Variants in CDIN1 observed in about 807,000 individuals in gnomAD.
CDIN1 encodes the protein CDAN1-interacting nuclease 1.
Under a neutral mutation model 45.3 loss-of-function variants are expected in CDIN1, and 33 were observed. The observed-to-expected ratio is 0.73, with a 90% CI of 0.55 to 0.97. CDIN1 has a LOEUF of 0.97. Among genes scored for constraint, CDIN1 ranks in the 50% least tolerant of loss-of-function variants. CDIN1 has a pLI of 0.00. For synonymous variants in CDIN1, 118 were observed against 124.4 expected, an observed-to-expected ratio of 0.95 and a Z score of 0.34; for missense variants, 303 against 339.4, an observed-to-expected ratio of 0.89 and a Z score of 0.84.
At chr15:36,599,892 T>TA (rs955148854) in intron 1 of CDIN1, among the ~76,000 whole-genome samples, 4 of 152,242 alleles carry the variant, frequency 2.6e-5, no homozygotes, top group Non-Finnish European at 5.9e-5. Context: ...CTGTCACTGT[T>TA]ACATTTTCAC....
At chr15:36,740,676 G>A (rs1166568727) in intron 10 of CDIN1, among the ~76,000 whole-genome samples, 1 of 152,110 alleles carries the variant, frequency 6.6e-6, no homozygotes, top group Non-Finnish European at 1.5e-5. Flanking sequence ...ATCACCCGAG[G>A]TCGGGAGTTC....
At chr15:36,664,347 G>T (rs186898335) in intron 5 of CDIN1, among the ~76,000 whole-genome samples, 1 of 152,138 alleles carries the variant, frequency 6.6e-6, no homozygotes, top group Admixed American at 6.5e-5. Context: ...GAAGCACTCC[G>T]CATTCTACAT....
rs143535776 is a variant in CDIN1 at position 36,767,722 on chromosome 15, T to G, written c.717-40602T>G. ...CCTGAAATACCTTCTCCATGTGCCC[T>G]TTGTTATTAGAAATTAGCCTTTTTT... On this transcript the variant is annotated intron_variant, in intron 10 of 10. Transcript: ENST00000566621. Among the ~76,000 whole-genome samples, 219 of 152,308 alleles carry G rather than the reference T, an allele frequency of 1.4e-3. 1 individual carries two copies. Among genetic ancestry groups the G allele is most frequent in the African/African-American group, 4.7e-3 (195 of 41,566 alleles).
chr15:36,736,343 G>T (rs2044018528), intron 10 of CDIN1, among the ~76,000 whole-genome samples: 1 of 152,080 alleles, frequency 6.6e-6, no homozygotes, highest in Admixed American at 6.5e-5. Flanking sequence ...ACACTCTACA[G>T]CTACTGACTT....
At chr15:36,596,548 AT>A (rs2037841335) in intron 1 of CDIN1, among the ~76,000 whole-genome samples, 1 of 152,214 alleles carries the variant, frequency 6.6e-6, no homozygotes, top group Non-Finnish European at 1.5e-5. Context: ...ACAGTTCAAA[AT>A]GAATGTAAAA....
In CDIN1 at chr15:36,658,160, A is replaced by T. The variant is rs13329086; in HGVS notation, c.346+255A>T. On this transcript the variant is annotated intron_variant, in intron 5 of 10. Coordinates refer to ENST00000566621, the MANE Select transcript of CDIN1 (RefSeq NM_001321759.2). ...ATAGACAATGTGTATCAAACTAAAA[A>T]ATTGATTCATCTTCGTATATAGAAT... 0.096 allele frequency: 32,051 copies of T among 332,236 alleles called. 1,799 individuals are homozygous for T. The highest frequency in any genetic ancestry group is 0.11 in the Non-Finnish European group (20,868 of 182,442). The allele number at this position is 332,236 out of a possible 1,614,324, so 20.6% of individuals were successfully genotyped here.
At chr15:36,597,467 G>A (rs184854874) in intron 1 of CDIN1, among the ~76,000 whole-genome samples, 43 of 152,218 alleles carry the variant, frequency 2.8e-4, no homozygotes, top group African/African-American at 1.0e-3. Flanking sequence ...GTGGTTTTTT[G>A]CTCAGACATA....
chr15:36,741,566 G>GGT (rs1479227789), intron 10 of CDIN1, among the ~76,000 whole-genome samples: 30 of 151,802 alleles, frequency 2.0e-4, no homozygotes, highest in Non-Finnish European at 3.8e-4. Context: ...ACACAGACTG[G>GGT]GTGGCTTACA....
intron 1 of CDIN1, among the ~76,000 whole-genome samples, chr15:36,624,316 A>G (rs1432706045): frequency 6.6e-6 from 1 of 152,198 alleles, no homozygotes; most frequent in East Asian, 1.9e-4. Context: ...ATAACTGACA[A>G]AAGGATTTGA....
intron 10 of CDIN1, among the ~76,000 whole-genome samples, chr15:36,780,838 G>A (rs2054332891): frequency 1.3e-5 from 2 of 152,252 alleles, no homozygotes; most frequent in South Asian, 2.1e-4. Flanking sequence ...TCCAACACAC[G>A]TCCAACTCCA....
intron 1 of CDIN1, chr15:36,618,003 T>A (rs1183236710): frequency 1.3e-6 from 1 of 789,080 alleles, no homozygotes; most frequent in Non-Finnish European, 2.3e-6. Flanking sequence ...TCCCCAGTCT[T>A]TATGCAGCCT....
At chr15:36,749,316 A>G (rs76464360) in intron 10 of CDIN1, among the ~76,000 whole-genome samples, 1 of 152,308 alleles carries the variant, frequency 6.6e-6, no homozygotes, top group African/African-American at 2.4e-5. Context: ...GATTAAGACA[A>G]ACCAGATGAC....
chr15:36,613,639 C>A, intron 1 of CDIN1: 2 of 1,431,408 alleles, frequency 1.4e-6, no homozygotes, highest in South Asian at 2.3e-5. Context: ...ACCGTAGGAT[C>A]AAGCTGGTTG....
At chr15:36,713,181 G>A (rs1164728559) in intron 10 of CDIN1, among the ~76,000 whole-genome samples, 2 of 152,082 alleles carry the variant, frequency 1.3e-5, no homozygotes, top group Admixed American at 6.6e-5. Flanking sequence ...GAGATAAAGT[G>A]GGTCAGTTTG....
At chr15:36,694,575 C>CTCT (rs919811666) in intron 7 of CDIN1, among the ~76,000 whole-genome samples, 7 of 151,528 alleles carry the variant, frequency 4.6e-5, no homozygotes, top group Admixed American at 2.6e-4. Flanking sequence ...TGTGCTTTCT[C>CTCT]TTTTTTTTTG....
At chr15:36,616,630 C>T (rs944879126) in intron 1 of CDIN1, among the ~76,000 whole-genome samples, 18 of 152,078 alleles carry the variant, frequency 1.2e-4, no homozygotes, top group Non-Finnish European at 2.2e-4. Context: ...GAATATAATG[C>T]AAGGCTGGGT....
At chr15:36,764,697 C>T (rs1327045961) in intron 10 of CDIN1, among the ~76,000 whole-genome samples, 1 of 152,158 alleles carries the variant, frequency 6.6e-6, no homozygotes, top group Admixed American at 6.6e-5. Context: ...TTCTTTAAAT[C>T]AGTGTCTGGT....
In CDIN1 at chr15:36,776,610, T is replaced by C. The variant is rs142760656; in HGVS notation, c.717-31714T>C. On this transcript the variant is annotated intron_variant, in intron 10 of 10. Coordinates refer to ENST00000566621, the MANE Select transcript of CDIN1 (RefSeq NM_001321759.2). ...AAAAGGATGGTGTTTTCTGTCATTA[T>C]ATTGTTTCTGCAGTATGCTTGTTCA... Among the ~76,000 whole-genome samples, 667 of 152,350 alleles carry C rather than the reference T, an allele frequency of 4.4e-3. 4 individuals carry two copies. The highest frequency in any genetic ancestry group is 0.015 in the African/African-American group (628 of 41,580).
At chr15:36,582,604 G>C (rs1446512306) in intron 1 of CDIN1, among the ~76,000 whole-genome samples, 1 of 152,114 alleles carries the variant, frequency 6.6e-6, no homozygotes, top group Non-Finnish European at 1.5e-5. Context: ...ATACTATCTT[G>C]CTATTTTTAT....
Sources: gnomAD v4.1 joint callset for allele counts (sites outside exome capture counted in the v4.1 genomes callset) on GRCh38, gnomAD v4.1.1 for gene constraint, MANE v1.5 for transcripts, NCBI Gene and HGNC (gene_info 2026-07-23, HGNC 2026-07-21) for gene names.